CPED1: variants seen among roughly 807,000 people sequenced by gnomAD.
CPED1 encodes the protein cadherin-like and PC-esterase domain-containing protein 1.
CPED1 carries 114 observed loss-of-function variants against 128.2 expected under a neutral mutation model. That is an observed-to-expected ratio of 0.89 (90% CI 0.76 to 1.04). The LOEUF (loss-of-function observed/expected upper bound fraction) is 1.04. Ranked by LOEUF, CPED1 falls within the 50% of genes least tolerant of loss-of-function variation. The pLI, the probability that CPED1 is intolerant of heterozygous loss-of-function variation, is 0.00. For missense variants in CPED1, 1,211 were observed against 1,207.1 expected (o/e 1.00, Z -0.05); for synonymous variants, 462 against 426.7 (o/e 1.08, Z -1.02).
intron 16 of CPED1, among the ~76,000 whole-genome samples, chr7:121,157,335 G>A (rs573973313): frequency 2.8e-4 from 42 of 152,256 alleles, no homozygotes; most frequent in African/African-American, 8.9e-4. Context: ...ATATAGTGAC[G>A]GGGGCAGTCA....
At chr7:121,280,352 C>G (rs798901) in intron 22 of CPED1, among the ~76,000 whole-genome samples, 1 of 151,972 alleles carries the variant, frequency 6.6e-6, no homozygotes, top group Non-Finnish European at 1.5e-5. Context: ...TAATATTAAA[C>G]TGGTAAACTT....
chr7:120,992,733 T>G lies in CPED1; in HGVS notation c.249+2863T>G, dbSNP rs1796328540. Among the ~76,000 whole-genome samples, 4 of 152,318 alleles carry G rather than the reference T, an allele frequency of 2.6e-5. No individual in the cohort carries two copies. In the South Asian group the frequency reaches 8.3e-4, roughly 32 times the overall value. The stretch of plus-strand genomic sequence containing the variant: ...TACACAGAAGTAAAAACTTCTTGGA[T>G]CAGAGTTTTTATTCATTGAATAAGT... On this transcript the variant is annotated intron_variant, in intron 2 of 22. Transcript: ENST00000310396.
chr7:121,007,925 A>C (rs1345873441), intron 2 of CPED1, among the ~76,000 whole-genome samples: 1 of 152,070 alleles, frequency 6.6e-6, no homozygotes, highest in Non-Finnish European at 1.5e-5. Context: ...GGCAGGTCTC[A>C]GGCATCCCTC....
chr7:121,280,598 C>T (rs1312739815), intron 22 of CPED1, among the ~76,000 whole-genome samples: 1 of 152,140 alleles, frequency 6.6e-6, no homozygotes, highest in Non-Finnish European at 1.5e-5. Context: ...CCCTAATCCC[C>T]AGCATCTTTG....
chr7:121,267,726 T>G (rs1792157961), intron 21 of CPED1, among the ~76,000 whole-genome samples: 1 of 151,902 alleles, frequency 6.6e-6, no homozygotes, highest in Non-Finnish European at 1.5e-5. Context: ...AATAGAAGTC[T>G]CAGAAAAGAA....
At chr7:121,021,003 T>C (rs991203377) in intron 3 of CPED1, among the ~76,000 whole-genome samples, 1 of 151,948 alleles carries the variant, frequency 6.6e-6, no homozygotes, top group Non-Finnish European at 1.5e-5. Context: ...TACAGCATGA[T>C]ATAGCAAAGA....
intron 5 of CPED1, among the ~76,000 whole-genome samples, chr7:121,067,158 C>T (rs1040943686): frequency 8.6e-5 from 13 of 151,924 alleles, no homozygotes; most frequent in African/African-American, 3.1e-4. Flanking sequence ...TACATGTGCA[C>T]AACGTGCAGG....
intron 2 of CPED1, among the ~76,000 whole-genome samples, chr7:120,992,155 C>G (rs1162368682): frequency 1.3e-5 from 2 of 151,980 alleles, no homozygotes; most frequent in Non-Finnish European, 2.9e-5. Flanking sequence ...AAAGTAACTA[C>G]TTGTGAAGTT....
intron 16 of CPED1, among the ~76,000 whole-genome samples, chr7:121,213,125 T>G (rs1797683653): frequency 6.6e-6 from 1 of 151,902 alleles, no homozygotes; most frequent in Non-Finnish European, 1.5e-5. Context: ...GAAGATTTAA[T>G]TGGTCCATAA....
At chr7:121,088,664 A>G (rs929940301) in intron 5 of CPED1, among the ~76,000 whole-genome samples, 7 of 150,632 alleles carry the variant, frequency 4.6e-5, no homozygotes, top group African/African-American at 1.7e-4. Context: ...TTCTCAAAAA[A>G]AAAAGAAAAG....
At chr7:121,064,175 G>T in intron 4 of CPED1, 63 bp from the exon 5 acceptor site, 2 of 1,112,580 alleles carry the variant, frequency 1.8e-6, no homozygotes, top group South Asian at 1.2e-5. Flanking sequence ...TTTTGTGTTT[G>T]CTTGGTTTTG....
At chr7:121,002,286 A>G (rs1210043435) in intron 2 of CPED1, among the ~76,000 whole-genome samples, 2 of 152,142 alleles carry the variant, frequency 1.3e-5, no homozygotes, top group African/African-American at 4.8e-5. Context: ...CTTCAGGAAA[A>G]ATGGAACAGG....
intron 16 of CPED1, among the ~76,000 whole-genome samples, chr7:121,185,631 G>T (rs1193217981): frequency 2.0e-5 from 3 of 152,182 alleles, no homozygotes; most frequent in African/African-American, 7.2e-5. Context: ...CAACATGACT[G>T]CTTTCTGCCT....
At chr7:121,291,562 A>G (rs904866459) in intron 22 of CPED1, among the ~76,000 whole-genome samples, 1 of 152,154 alleles carries the variant, frequency 6.6e-6, no homozygotes, top group African/African-American at 2.4e-5. Context: ...CTTTGTAGCA[A>G]TTGTGAATAG....
intron 16 of CPED1, among the ~76,000 whole-genome samples, chr7:121,199,673 C>CAAAAAAAAAAAAA (rs1160203035): frequency 1.2e-5 from 1 of 86,944 alleles, no homozygotes; most frequent in African/African-American, 4.6e-5. Flanking sequence ...GAGACTCCAT[C>CAAAAAAAAAAAAA]AAAAAAAAAA....
At chr7:121,092,830 G>A (rs1391319200) in intron 5 of CPED1, among the ~76,000 whole-genome samples, 2 of 152,158 alleles carry the variant, frequency 1.3e-5, no homozygotes, top group Non-Finnish European at 2.9e-5. Context: ...CTGCATTTCA[G>A]CTCTGGTGCT....
At chr7:121,193,755 A>G (rs1202390256) in intron 16 of CPED1, among the ~76,000 whole-genome samples, 2 of 152,012 alleles carry the variant, frequency 1.3e-5, no homozygotes, top group African/African-American at 2.4e-5. Flanking sequence ...AAAGGCTAGT[A>G]ACTTGCCCAG....
At chr7:121,084,869 A>T (rs530080043) in intron 5 of CPED1, among the ~76,000 whole-genome samples, 1 of 152,334 alleles carries the variant, frequency 6.6e-6, no homozygotes, top group East Asian at 1.9e-4. Flanking sequence ...CCATTTAAAC[A>T]GATGTTAGAC....
At chr7:121,235,349 T>C (rs1798227880) in intron 16 of CPED1, among the ~76,000 whole-genome samples, 1 of 152,144 alleles carries the variant, frequency 6.6e-6, no homozygotes, top group African/African-American at 2.4e-5. Flanking sequence ...TTAAACTCCA[T>C]GCTTAGTCAT....
Sources: allele counts gnomAD v4.1 joint callset (sites outside exome capture counted in the v4.1 genomes callset), GRCh38; gene constraint gnomAD v4.1.1; transcripts MANE v1.5; gene names NCBI Gene and HGNC (gene_info 2026-07-23, HGNC 2026-07-21).